Variants in MYOF observed in about 807,000 individuals in gnomAD.
The protein encoded by MYOF is myoferlin.
A neutral mutation model predicts 284.2 loss-of-function variants in MYOF; 244 were observed. That is an observed-to-expected ratio of 0.86 (90% confidence interval 0.77 to 0.95). MYOF has a LOEUF of 0.95. MYOF is among the 40% of genes least tolerant of loss of function. MYOF has a pLI of 0.00. For synonymous variants in MYOF, 904 were observed against 919.7 expected, an observed-to-expected ratio of 0.98 and a Z score of 0.31; for missense variants, 2,496 against 2,560.6, an observed-to-expected ratio of 0.97 and a Z score of 0.54.
intron 16 of MYOF, 80 bp downstream of exon 16, chr10:93,396,062 G>A: frequency 9.2e-7 from 1 of 1,081,896 alleles, no homozygotes; most frequent in Non-Finnish European, 1.4e-6. Context: ...ACTGTGAGGT[G>A]GCTACCCCAG....
intron 52 of MYOF, 126 bp downstream of exon 52, chr10:93,310,408 A>G (rs573781591): frequency 5.8e-6 from 6 of 1,041,380 alleles, no homozygotes; most frequent in Non-Finnish European, 8.4e-6. Flanking sequence ...CTCCACCCCC[A>G]CCCACCACTA....
intron 21 of MYOF, among the ~76,000 whole-genome samples, chr10:93,378,707 A>ATATATATATATATATATATATATATG (rs1564664838): frequency 1.5e-5 from 2 of 133,434 alleles, no homozygotes; most frequent in Admixed American, 7.9e-5. Context: ...ATATATATAT[A>ATATATATATATATATATATATATATG]TATATATATG....
intron 30 of MYOF, 118 bp from the exon 31 acceptor site, chr10:93,355,854 CG>C (rs1158304138): frequency 1.5e-6 from 1 of 676,872 alleles, no homozygotes; most frequent in Non-Finnish European, 2.5e-6. Flanking sequence ...AAGATGTTAT[CG>C]TGCAAACACC....
chr10:93,472,387 C>G (rs2057167531), intron 1 of MYOF, among the ~76,000 whole-genome samples: 1 of 152,126 alleles, frequency 6.6e-6, no homozygotes, highest in Non-Finnish European at 1.5e-5. Context: ...AAATAAAATC[C>G]CAGCACTTTG....
intron 7 of MYOF, among the ~76,000 whole-genome samples, chr10:93,406,398 A>G (rs536694114): frequency 4.1e-5 from 6 of 147,044 alleles, no homozygotes; most frequent in African/African-American, 1.5e-4. Flanking sequence ...CTCTTTTGCC[A>G]AGAGGTCTAA....
intron 23 of MYOF, among the ~76,000 whole-genome samples, chr10:93,373,521 CT>C (rs35052390): frequency 0.32 from 47,913 of 151,938 alleles, 8,693 homozygotes; most frequent in East Asian, 0.86. Context: ...TCAAAAACCT[CT>C]TTTTTTATTA....
At position 93,354,703 on chromosome 10, in the gene MYOF, T is replaced by TCTCTCTCTC. The variant is rs1243618498; in HGVS notation, c.3404-816_3404-815insGAGAGAGAG. 6.5e-3 allele frequency among the ~76,000 whole-genome samples: 460 copies of TCTCTCTCTC among 70,702 alleles called. 10 individuals are homozygous for TCTCTCTCTC. The highest frequency in any genetic ancestry group is 0.015 in the African/African-American group (423 of 27,356). The allele number at this position is 70,702 out of a possible 152,430, so 46.4% of individuals were successfully genotyped here. On this transcript the variant is annotated intron_variant, in intron 31 of 53. Coordinates refer to ENST00000359263, the MANE Select transcript of MYOF (RefSeq NM_013451.4). Reference sequence around the variant, plus strand: ...TCTCTCTCTCTCTCTCTCTCTCTCTTTGTGAGATAGCAGAGCATTATGATT... The same window carrying TCTCTCTCTC: ...TCTCTCTCTCTCTCTCTCTCTCTCTTCTCTCTCTCTGTGAGATAGCAGAGCATTATGATT...
intron 3 of MYOF, among the ~76,000 whole-genome samples, chr10:93,432,873 G>C (rs1013581469): frequency 1.3e-5 from 2 of 152,092 alleles, no homozygotes; most frequent in Non-Finnish European, 2.9e-5. Flanking sequence ...CTGAATGAAG[G>C]AAAGAATAAA....
intron 7 of MYOF, among the ~76,000 whole-genome samples, chr10:93,406,290 A>ATATATATATATATATATATATATATG (rs1415822283): frequency 1.5e-5 from 1 of 64,834 alleles, no homozygotes; most frequent in Non-Finnish European, 3.3e-5. Flanking sequence ...AACCTCTTTT[A>ATATATATATATATATATATATATATG]TATATATATA....
chr10:93,316,322 A>G (rs1379060489), intron 50 of MYOF, among the ~76,000 whole-genome samples: 3 of 151,318 alleles, frequency 2.0e-5, no homozygotes, highest in Non-Finnish European at 4.4e-5. Flanking sequence ...GGGCCTAGGG[A>G]CAGGAGAAAT....
At chr10:93,461,015 A>C (rs971110962) in intron 1 of MYOF, among the ~76,000 whole-genome samples, 2 of 152,138 alleles carry the variant, frequency 1.3e-5, no homozygotes, top group Non-Finnish European at 2.9e-5. Context: ...GAATCGCTTG[A>C]ACCTGGGAGG....
chr10:93,346,186 A>G (rs932380271), intron 37 of MYOF, among the ~76,000 whole-genome samples: 1 of 152,246 alleles, frequency 6.6e-6, no homozygotes, highest in Non-Finnish European at 1.5e-5. Context: ...TAATAAGCAC[A>G]TGTAGAGTTT....
At chr10:93,386,504 T>C (rs1846372087) in intron 19 of MYOF, among the ~76,000 whole-genome samples, 1 of 152,218 alleles carries the variant, frequency 6.6e-6, no homozygotes, top group Middle Eastern at 3.2e-3. Context: ...GGATGCCCCG[T>C]GGCTTGCTGC....
intron 21 of MYOF, among the ~76,000 whole-genome samples, chr10:93,378,243 G>T (rs1405120895): frequency 6.6e-6 from 1 of 152,164 alleles, no homozygotes; most frequent in Non-Finnish European, 1.5e-5. Context: ...AGGGAAAAGG[G>T]AAAGCCACCA....
intron 1 of MYOF, among the ~76,000 whole-genome samples, chr10:93,476,315 G>C (rs1158911295): frequency 7.4e-6 from 1 of 135,840 alleles, no homozygotes; most frequent in Non-Finnish European, 1.5e-5. Flanking sequence ...GCAGTGGCGC[G>C]ATCTCAGCTC....
intron 5 of MYOF, among the ~76,000 whole-genome samples, chr10:93,416,217 T>A (rs376251066): frequency 2.6e-4 from 39 of 152,218 alleles, no homozygotes; most frequent in African/African-American, 9.2e-4. Context: ...ACAGAAGTAA[T>A]CACCAAAGAA....
chr10:93,446,466 C>T (rs910568031), intron 3 of MYOF, among the ~76,000 whole-genome samples: 1 of 152,150 alleles, frequency 6.6e-6, no homozygotes, highest in African/African-American at 2.4e-5. Context: ...GACTGAGCCA[C>T]AGGACAGGTA....
intron 24 of MYOF, among the ~76,000 whole-genome samples, chr10:93,370,866 A>AT (rs34306733): frequency 0.32 from 47,597 of 150,814 alleles, 8,546 homozygotes; most frequent in East Asian, 0.86. Context: ...TGGGGCAAGG[A>AT]TTTTTTTTTT....
At chr10:93,307,886 A>G (rs1369846409) in intron 53 of MYOF, among the ~76,000 whole-genome samples, 1 of 150,528 alleles carries the variant, frequency 6.6e-6, no homozygotes, top group Non-Finnish European at 1.5e-5. Flanking sequence ...CAGCCTCCCA[A>G]AGTGCTGGGA....
Sources: gnomAD v4.1 joint callset for allele counts (sites outside exome capture counted in the v4.1 genomes callset) on GRCh38, gnomAD v4.1.1 for gene constraint, MANE v1.5 for transcripts, NCBI Gene and HGNC (gene_info 2026-07-23, HGNC 2026-07-21) for gene names.